Variants in SSBP2 observed in about 807,000 individuals in gnomAD.
The protein encoded by SSBP2 is single-stranded DNA-binding protein 2.
Under a neutral mutation model 61.8 loss-of-function variants are expected in SSBP2, and 17 were observed. The observed-to-expected ratio is 0.28, with a 90% CI of 0.19 to 0.41. SSBP2 has a LOEUF of 0.41. Ranked by LOEUF, SSBP2 falls within the 10% of genes least tolerant of loss-of-function variation. The pLI, the probability that SSBP2 is intolerant of heterozygous loss-of-function variation, is 1.00. For synonymous variants in SSBP2, 139 were observed against 141.3 expected (o/e 0.98, Z 0.12); for missense variants, 310 against 458.7 (o/e 0.68, Z 2.96).
At chr5:81,599,733 C>T (rs903960949) in intron 4 of SSBP2, among the ~76,000 whole-genome samples, 3 of 152,148 alleles carry the variant, frequency 2.0e-5, no homozygotes, top group African/African-American at 4.8e-5. Context: ...AAATATGTAT[C>T]GAGGGCCCAC....
intron 4 of SSBP2, among the ~76,000 whole-genome samples, chr5:81,603,781 T>G (rs1037958397): frequency 6.6e-6 from 1 of 152,220 alleles, no homozygotes; most frequent in African/African-American, 2.4e-5. Flanking sequence ...ATACTTATTG[T>G]GTTTTTACTA....
intron 1 of SSBP2, among the ~76,000 whole-genome samples, chr5:81,683,100 T>C (rs1261845501): frequency 2.6e-5 from 4 of 152,164 alleles, no homozygotes; most frequent in East Asian, 1.9e-4. Flanking sequence ...ACTTAATCTA[T>C]AGAGTCAATG....
At chr5:81,487,364 AT>A (rs1201538118) in intron 6 of SSBP2, among the ~76,000 whole-genome samples, 1 of 152,192 alleles carries the variant, frequency 6.6e-6, no homozygotes, top group Non-Finnish European at 1.5e-5. Flanking sequence ...ATAAAAAGCT[AT>A]TTGAGAACAA....
intron 1 of SSBP2, among the ~76,000 whole-genome samples, chr5:81,731,954 T>C (rs112781810): frequency 1.3e-5 from 2 of 152,004 alleles, no homozygotes; most frequent in African/African-American, 2.4e-5. Flanking sequence ...CTGCAGTGCA[T>C]TGAGGCACTG....
At chr5:81,540,577 T>TTTTCATGG (rs1341006187) in intron 4 of SSBP2, among the ~76,000 whole-genome samples, 5 of 152,230 alleles carry the variant, frequency 3.3e-5, no homozygotes, top group Non-Finnish European at 7.3e-5. Context: ...TCTGCCCACT[T>TTTTCATGG]TTTCATGGGG....
rs1332096920 is a variant in SSBP2, at chr5:81,699,847, T to A, written c.63-49508A>T. Among the ~76,000 whole-genome samples, 3 of 144,712 alleles carry A rather than the reference T, an allele frequency of 2.1e-5. No individual in the cohort carries two copies. In the East Asian group the frequency reaches 5.9e-4, roughly 28 times the overall value. 94.9% of individuals were successfully genotyped at this position (144,712 alleles called of 152,430 possible). On this transcript the variant is annotated intron_variant, in intron 1 of 16. Transcript: ENST00000320672. ...ATTTATGACAGATAGCTTTACAAAA[T>A]CAATTTCTTTTTTTTTTTTTTTTTT... is the stretch of plus-strand genomic sequence containing the variant.
At chr5:81,503,703 C>G (rs544685028) in intron 5 of SSBP2, among the ~76,000 whole-genome samples, 1 of 152,240 alleles carries the variant, frequency 6.6e-6, no homozygotes, top group Admixed American at 6.5e-5. Flanking sequence ...CAGTACTATT[C>G]ACAATAGCAA....
At chr5:81,606,912 C>G (rs559184037) in intron 4 of SSBP2, among the ~76,000 whole-genome samples, 1 of 152,268 alleles carries the variant, frequency 6.6e-6, no homozygotes, top group Admixed American at 6.5e-5. Context: ...TGTTGTTTCA[C>G]AAGGATATTC....
chr5:81,636,433 C>T (rs1390615801), intron 3 of SSBP2, 124 bp downstream of exon 3: 2 of 705,320 alleles, frequency 2.8e-6, no homozygotes, highest in Non-Finnish European at 4.4e-6. Context: ...TTAAAAAGTG[C>T]TACCTTCCAG....
chr5:81,555,672 T>C (rs549499312), intron 4 of SSBP2, among the ~76,000 whole-genome samples: 7 of 152,098 alleles, frequency 4.6e-5, no homozygotes, highest in African/African-American at 1.2e-4. Context: ...AGAAAACACA[T>C]AGAACCAGTA....
intron 2 of SSBP2, among the ~76,000 whole-genome samples, chr5:81,637,584 C>T (rs564626689): frequency 6.6e-6 from 1 of 152,310 alleles, no homozygotes; most frequent in East Asian, 1.9e-4. Flanking sequence ...TACATACTAG[C>T]TGTGTGAAGT....
intron 3 of SSBP2, chr5:81,616,456 C>T (rs1255030746): frequency 5.3e-5 from 8 of 151,458 alleles, no homozygotes; most frequent in African/African-American, 2.0e-4. Context: ...GTCCTACGCC[C>T]ACGGAATCTC....
chr5:81,515,170 G>A (rs968145941), intron 4 of SSBP2, among the ~76,000 whole-genome samples: 8 of 151,942 alleles, frequency 5.3e-5, no homozygotes, highest in African/African-American at 1.9e-4. Context: ...CAATGTTACA[G>A]TAAGAAGAAA....
intron 4 of SSBP2, among the ~76,000 whole-genome samples, chr5:81,552,712 A>G (rs1772300225): frequency 6.6e-6 from 1 of 152,066 alleles, no homozygotes; most frequent in Non-Finnish European, 1.5e-5. Flanking sequence ...AAAATAATGT[A>G]AAGGTGTGCA....
Position 81,466,974 on chromosome 5 carries a change from A to G in SSBP2, c.638T>C (p.Met213Thr), listed in dbSNP as rs749599101. ...TAGTATATGATATAACATTGCTTAC[A>G]TGTTCATTCCAGGCATTCCAGGGCC... The change falls in exon 9 of 17, where the codon ATG becomes ACG. Residue 213 changes from methionine to threonine, a missense_variant and splice_region_variant. By Grantham distance (81) the Met-to-Thr change is moderately conservative. This residue lies in a region of SSBP2 where 209 missense variants were observed against 286.4 expected (regional missense o/e 0.73). Coordinates refer to ENST00000320672, the MANE Select transcript of SSBP2 (RefSeq NM_012446.5). 9.4e-6 allele frequency: 15 copies of G among 1,598,932 alleles called. No homozygotes were observed. The Admixed American group carries it at 1.2e-4, about 12-fold the overall frequency.
chr5:81,647,546 C>T (rs977834527), intron 2 of SSBP2, among the ~76,000 whole-genome samples: 3 of 151,920 alleles, frequency 2.0e-5, no homozygotes, highest in Non-Finnish European at 4.4e-5. Context: ...TTTACAGCAC[C>T]ATTCAGAGTT....
chr5:81,739,164 CAAAAAAAAAAAAAAAA>C (rs71000859), intron 1 of SSBP2, among the ~76,000 whole-genome samples: 7 of 51,078 alleles, frequency 1.4e-4, no homozygotes, highest in Admixed American at 3.5e-4. Flanking sequence ...ACTCCATCTC[CAAAAAAAAAAAAAAAA>C]AAAAAAAAAA....
chr5:81,614,359 C>CAAAAA lies in SSBP2; in HGVS notation c.282+1109_282+1113dup, dbSNP rs10659647. ...TGGGAGACACAGCGAGACTCCGTCT[C>CAAAAA]AAAAAAAAAAAAAAAAAAAAAAAGA... On this transcript the variant is annotated intron_variant, in intron 4 of 16. Coordinates refer to ENST00000320672, the MANE Select transcript of SSBP2 (RefSeq NM_012446.5). Among the ~76,000 whole-genome samples, 471 of 73,502 alleles carry CAAAAA rather than the reference C, an allele frequency of 6.4e-3. 15 individuals are homozygous for CAAAAA. Among genetic ancestry groups the CAAAAA allele is most frequent in the Admixed American group, 8.7e-3 (45 of 5,152 alleles). The allele number at this position is 73,502 out of a possible 152,430, so 48.2% of individuals were successfully genotyped here.
chr5:81,537,372 C>T lies in SSBP2; in HGVS notation c.283-23655G>A, dbSNP rs139643181. On this transcript the variant is annotated intron_variant, in intron 4 of 16. Coordinates refer to ENST00000320672, the MANE Select transcript of SSBP2 (RefSeq NM_012446.5). Reference sequence around the variant, plus strand: ...TGAATTTGTCTGTTCTGCAACTAGGCCACAGGTGGCATCCTTAACTCTAGA... The same window carrying T: ...TGAATTTGTCTGTTCTGCAACTAGGTCACAGGTGGCATCCTTAACTCTAGA... Among the ~76,000 whole-genome samples, 495 of 152,194 alleles carry T rather than the reference C, an allele frequency of 3.3e-3. 5 individuals are homozygous for T. The highest frequency in any genetic ancestry group is 0.018 in the East Asian group (91 of 5,162).
Sources: gnomAD v4.1 joint callset for allele counts (sites outside exome capture counted in the v4.1 genomes callset) on GRCh38, gnomAD v4.1.1 for gene constraint, gnomAD v4.1.1 regional missense constraint, MANE v1.5 for transcripts, NCBI Gene and HGNC (gene_info 2026-07-23, HGNC 2026-07-21) for gene names.